The following TENM2 variants were observed in gnomAD, a reference collection of about 807,000 sequenced individuals.
TENM2 encodes teneurin transmembrane protein 2.
In TENM2, 52 loss-of-function variants were observed where a neutral mutation model predicts 245.2. The ratio of observed to expected loss-of-function variants is 0.21; its 90% CI spans 0.17 to 0.27. The LOEUF (loss-of-function observed/expected upper bound fraction) is 0.27, where lower values mean the gene tolerates loss of function less well. Ranked by LOEUF, TENM2 falls within the 10% of genes least tolerant of loss-of-function variation. The pLI, the probability that TENM2 is intolerant of heterozygous loss-of-function variation, is 1.00. For synonymous variants in TENM2, 1,363 were observed against 1,438.9 expected (o/e 0.95, Z 1.19); for missense variants, 3,046 against 3,666.8 (o/e 0.83, Z 4.37).
At chr5:167,844,266 C>G (rs937682200) in intron 2 of TENM2, among the ~76,000 whole-genome samples, 2 of 152,198 alleles carry the variant, frequency 1.3e-5, no homozygotes, top group African/African-American at 4.8e-5. Flanking sequence ...CCTTGATTGA[C>G]TTGCAGTAAA....
intron 2 of TENM2, among the ~76,000 whole-genome samples, chr5:167,711,845 T>G (rs561560304): frequency 2.6e-5 from 4 of 152,224 alleles, no homozygotes; most frequent in Non-Finnish European, 5.9e-5. Flanking sequence ...CTCTCTTCAC[T>G]CTTCTTTCAG....
chr5:168,049,958 A>C (rs1788934144), intron 6 of TENM2, among the ~76,000 whole-genome samples: 1 of 152,014 alleles, frequency 6.6e-6, no homozygotes, highest in Non-Finnish European at 1.5e-5. Flanking sequence ...ATGTGCCACC[A>C]CGCCTGGCTA....
chr5:167,580,056 C>T (rs779521373), intron 2 of TENM2, among the ~76,000 whole-genome samples: 3 of 152,150 alleles, frequency 2.0e-5, no homozygotes, highest in Non-Finnish European at 2.9e-5. Flanking sequence ...ACAAATTTCT[C>T]TTAACTGGAC....
chr5:167,507,394 G>A (rs909475001), intron 2 of TENM2, among the ~76,000 whole-genome samples: 6 of 152,148 alleles, frequency 3.9e-5, no homozygotes, highest in African/African-American at 1.4e-4. Flanking sequence ...AGTATTTAAT[G>A]AAGTATTTAA....
At chr5:167,249,229 G>A in the TENM2 span, among the ~76,000 whole-genome samples, 2 of 152,132 alleles carry the variant, frequency 1.3e-5, no homozygotes, top group African/African-American at 2.4e-5. Context: ...CATTGTTGAA[G>A]TAAATCCAGG....
intron 2 of TENM2, among the ~76,000 whole-genome samples, chr5:167,743,378 A>G (rs1761328423): frequency 6.6e-6 from 1 of 152,216 alleles, no homozygotes; most frequent in Non-Finnish European, 1.5e-5. Flanking sequence ...GCAAGACATC[A>G]TTAGAAAGAC....
At chr5:168,108,455 C>A (rs1347523406) in intron 9 of TENM2, among the ~76,000 whole-genome samples, 1 of 152,200 alleles carries the variant, frequency 6.6e-6, no homozygotes, top group Non-Finnish European at 1.5e-5. Context: ...TTACCTATTA[C>A]ATTGCTGTGA....
chr5:168,188,663 A>G (rs537048159), intron 13 of TENM2, among the ~76,000 whole-genome samples: 2 of 152,352 alleles, frequency 1.3e-5, no homozygotes, highest in Admixed American at 6.5e-5. Flanking sequence ...GGCGAGCATT[A>G]AGAGGTCATT....
the TENM2 span, among the ~76,000 whole-genome samples, chr5:167,032,230 G>C: frequency 4.6e-5 from 7 of 152,304 alleles, no homozygotes; most frequent in African/African-American, 1.7e-4. Context: ...AAATTTGCAT[G>C]CATGTAATTA....
chr5:167,706,923 G>A (rs531236797), intron 2 of TENM2, among the ~76,000 whole-genome samples: 64 of 150,796 alleles, frequency 4.2e-4, no homozygotes, highest in Non-Finnish European at 6.6e-4. Context: ...GCTGAGGCAG[G>A]AGAATGGCGT....
At chr5:168,226,129 C>T in exon 24 of TENM2, 1 of 1,613,678 alleles carries the variant, frequency 6.2e-7, no homozygotes, top group Non-Finnish European at 8.5e-7. Flanking sequence ...ACGCGCCCCA[C>T]GGGGGTGGTA....
At chr5:167,097,681 A>G in the TENM2 span, among the ~76,000 whole-genome samples, 3 of 152,208 alleles carry the variant, frequency 2.0e-5, no homozygotes, top group African/African-American at 7.2e-5. Context: ...AGGTTTATAT[A>G]TGTACTCCAA....
rs141600695 is a variant in TENM2 at position 168,125,985 on chromosome 5, C to T, written c.2210-769C>T. Among the ~76,000 whole-genome samples, 8 of 152,286 alleles carry T rather than the reference C, an allele frequency of 5.3e-5. 1 individual carries two copies. The East Asian group carries it at 5.8e-4, about 11-fold the overall frequency. On this transcript the variant is annotated intron_variant, in intron 11 of 28. Transcript: ENST00000518659. ...TTCCTTCACCTGGCATGCCAAGCCA[C>T]GCCTCCCTCAATAGACTGATGAAAG...
chr5:167,790,361 T>G (rs991075267), intron 2 of TENM2, among the ~76,000 whole-genome samples: 1 of 152,160 alleles, frequency 6.6e-6, no homozygotes, highest in Non-Finnish European at 1.5e-5. Flanking sequence ...AAAAGGAACA[T>G]GCCCACTGAA....
At chr5:167,282,169 C>A (rs536082669), upstream of TENM2, among the ~76,000 whole-genome samples, 230 of 152,248 alleles carry the variant, frequency 1.5e-3, no homozygotes, top group Middle Eastern at 3.4e-3. Flanking sequence ...GAGTCAGGAA[C>A]ACTGAAGATA....
the TENM2 span, among the ~76,000 whole-genome samples, chr5:167,270,233 G>A: frequency 2.0e-3 from 300 of 152,258 alleles, 8 homozygotes; most frequent in East Asian, 0.051. Flanking sequence ...CAGAAATACA[G>A]CAACCTAACA....
intron 2 of TENM2, among the ~76,000 whole-genome samples, chr5:167,446,045 A>G (rs1246049740): frequency 1.3e-5 from 2 of 152,156 alleles, no homozygotes; most frequent in Non-Finnish European, 2.9e-5. Flanking sequence ...AAGCTGGGCA[A>G]TGGGAGGGAA....
intron 25 of TENM2, among the ~76,000 whole-genome samples, chr5:168,241,411 T>A (rs946640262): frequency 6.6e-6 from 1 of 150,902 alleles, no homozygotes; most frequent in Non-Finnish European, 1.5e-5. Flanking sequence ...CATGCTACCA[T>A]GCTTGGCTAA....
chr5:168,262,010 C>T (rs753557887), intron 28 of TENM2, 39 bp from the exon 31 acceptor site: 28 of 1,589,538 alleles, frequency 1.8e-5, no homozygotes, highest in Non-Finnish European at 2.6e-6. Flanking sequence ...AGCTGCCCAG[C>T]TCATCTTCTC....
Sources: allele counts gnomAD v4.1 joint callset (sites outside exome capture counted in the v4.1 genomes callset), GRCh38; gene constraint gnomAD v4.1.1; transcripts MANE v1.5; gene names NCBI Gene and HGNC (gene_info 2026-07-23, HGNC 2026-07-21).